CTNNA2: variants seen among roughly 807,000 people sequenced by gnomAD.
CTNNA2 encodes the protein catenin alpha 2, also known as catenin alpha-2.
A neutral mutation model predicts 101.0 loss-of-function variants in CTNNA2; 42 were observed. The ratio of observed to expected loss-of-function variants is 0.42; its 90% CI spans 0.32 to 0.54. The LOEUF (loss-of-function observed/expected upper bound fraction) is 0.54, where lower values mean the gene tolerates loss of function less well. CTNNA2 is among the 20% of genes least tolerant of loss of function. The pLI, the probability that CTNNA2 is intolerant of heterozygous loss-of-function variation, is 0.14. For synonymous variants in CTNNA2, 450 were observed against 456.4 expected (o/e 0.99, Z 0.18); for missense variants, 871 against 1,223.1 (o/e 0.71, Z 4.29).
intron 4 of CTNNA2, among the ~76,000 whole-genome samples, chr2:79,388,712 C>T (rs1282370979): frequency 6.6e-6 from 1 of 152,138 alleles, no homozygotes; most frequent in East Asian, 1.9e-4. Flanking sequence ...ACAACTACTT[C>T]ATTCCCTGAT....
chr2:80,468,429 T>C (rs1419872098), intron 9 of CTNNA2, among the ~76,000 whole-genome samples: 1 of 139,280 alleles, frequency 7.2e-6, no homozygotes, highest in Non-Finnish European at 1.5e-5. Context: ...TATTTATTTA[T>C]TTTTTTTGAG....
intron 4 of CTNNA2, among the ~76,000 whole-genome samples, chr2:79,869,580 T>G (rs1682427495): frequency 6.6e-6 from 1 of 152,198 alleles, no homozygotes; most frequent in African/African-American, 2.4e-5. Context: ...ACACAGGATT[T>G]TATATGCACC....
At chr2:79,386,481 C>T (rs1404847096) in intron 4 of CTNNA2, among the ~76,000 whole-genome samples, 3 of 152,228 alleles carry the variant, frequency 2.0e-5, no homozygotes, top group African/African-American at 4.8e-5. Context: ...TTTTTCTTCT[C>T]CACAATATCC....
At chr2:79,444,122 C>G (rs1182170264) in intron 4 of CTNNA2, among the ~76,000 whole-genome samples, 1 of 151,968 alleles carries the variant, frequency 6.6e-6, no homozygotes. Context: ...GACGATAACC[C>G]TAGCCAAAAT....
chr2:79,387,259 C>A (rs953432774), intron 4 of CTNNA2, among the ~76,000 whole-genome samples: 3 of 152,138 alleles, frequency 2.0e-5, no homozygotes, highest in Non-Finnish European at 4.4e-5. Flanking sequence ...GGCCAGTCTG[C>A]CTGTTGATTC....
intron 2 of CTNNA2, among the ~76,000 whole-genome samples, chr2:79,740,793 G>A (rs547549685): frequency 1.3e-4 from 20 of 152,042 alleles, no homozygotes; most frequent in African/African-American, 4.8e-4. Flanking sequence ...CAACAATTCA[G>A]CCTTTTGTCT....
At chr2:79,191,262 C>A (rs537499909) in intron 1 of CTNNA2, among the ~76,000 whole-genome samples, 17 of 152,314 alleles carry the variant, frequency 1.1e-4, no homozygotes, top group African/African-American at 4.1e-4. Context: ...GGGAAGCATT[C>A]CAATGATGTC....
chr2:79,962,724 G>C (rs544181025), intron 7 of CTNNA2, among the ~76,000 whole-genome samples: 3 of 152,096 alleles, frequency 2.0e-5, no homozygotes, highest in African/African-American at 4.8e-5. Flanking sequence ...AGCACATGTT[G>C]GTGCACATTG....
Position 79,744,471 on chromosome 2 carries a change from T to A in CTNNA2, c.187T>A (p.Ser63Thr). 1 of 1,614,128 alleles carries A rather than the reference T, an allele frequency of 6.2e-7. No individual in the cohort carries two copies. The highest frequency in any genetic ancestry group is 1.1e-5 in the South Asian group (1 of 91,084). The change falls in exon 3 of 19, where the codon TCT becomes ACT. Residue 63 changes from serine (S) to threonine (T), a missense_variant. Around this residue, in one of 5 missense-constraint regions of CTNNA2, gnomAD observed 647 missense variants for 831.5 expected, o/e 0.78. Coordinates refer to ENST00000402739, the MANE Select transcript of CTNNA2 (RefSeq NM_001282597.3). ...RSKKAHVLAA[S>T]VEQATQNFLE... ...AAAGAAAGCCCATGTACTAGCTGCC[T>A]CTGTAGAGCAAGCCACTCAGAATTT...
At chr2:79,568,476 G>A (rs1318113426) in intron 1 of CTNNA2, among the ~76,000 whole-genome samples, 1 of 151,794 alleles carries the variant, frequency 6.6e-6, no homozygotes, top group Non-Finnish European at 1.5e-5. Context: ...GGTGGCACGT[G>A]CCTGTAGTCC....
rs546759255 is a variant in CTNNA2 at position 79,524,328 on chromosome 2, G to A, written c.-6+11121G>A. Among the ~76,000 whole-genome samples the A allele has an allele frequency of 4.1e-4, 62 of 151,790 alleles. 1 individual carries two copies. Among genetic ancestry groups the A allele is most frequent in the African/African-American group, 1.4e-3 (56 of 41,442 alleles). The stretch of plus-strand genomic sequence containing the variant: ...CTATCTTGTATGAGTTTTTATTACC[G>A]TTGGGAAAGGGATTTTATTCTTTAA... On this transcript the variant is annotated intron_variant, in intron 1 of 18. Transcript: ENST00000402739.
intron 9 of CTNNA2, among the ~76,000 whole-genome samples, chr2:80,527,268 T>C (rs1176386660): frequency 6.6e-6 from 1 of 152,220 alleles, no homozygotes; most frequent in African/African-American, 2.4e-5. Context: ...GGGGAATTCC[T>C]GTTGGCTGGA....
intron 9 of CTNNA2, among the ~76,000 whole-genome samples, chr2:80,535,440 A>G (rs1690925258): frequency 6.6e-6 from 1 of 152,138 alleles, no homozygotes; most frequent in Admixed American, 6.6e-5. Flanking sequence ...GGGTTAACTA[A>G]TCTCTTATTG....
chr2:79,582,789 C>T (rs1198463502), intron 1 of CTNNA2, among the ~76,000 whole-genome samples: 2 of 152,076 alleles, frequency 1.3e-5, no homozygotes, highest in Non-Finnish European at 2.9e-5. Flanking sequence ...TGTATTTCTT[C>T]TAGGTGCACA....
rs184202094 is a variant in CTNNA2, at chr2:80,248,393, A to G, written c.1057-144818A>G. Among the ~76,000 whole-genome samples, 457 of 152,316 alleles carry G rather than the reference A, an allele frequency of 3.0e-3. 2 individuals are homozygous for G. Among genetic ancestry groups the G allele is most frequent in the African/African-American group, 0.01 (433 of 41,572 alleles). On this transcript the variant is annotated intron_variant, in intron 7 of 18. Coordinates refer to ENST00000402739, the MANE Select transcript of CTNNA2 (RefSeq NM_001282597.3). Reference sequence around the variant, plus strand: ...AAGAACTGTTATTTGTCTGTTGGGCAGGAGAGATTCCAGAGTTTTGACCCC... The same window carrying G: ...AAGAACTGTTATTTGTCTGTTGGGCGGGAGAGATTCCAGAGTTTTGACCCC...
Position 80,090,178 on chromosome 2 carries a change from GT to G in CTNNA2, c.1056+180382del, listed in dbSNP as rs1330204979. 3.4e-5 allele frequency among the ~76,000 whole-genome samples: 5 copies of G among 146,052 alleles called. No homozygotes were observed. In the South Asian group the frequency reaches 6.4e-4, roughly 19 times the overall value. On this transcript the variant is annotated intron_variant, in intron 7 of 18. Coordinates refer to ENST00000402739, the MANE Select transcript of CTNNA2 (RefSeq NM_001282597.3). ...TGTGTGTGTGTGTGTGTGTGTGTGT[GT>G]GTGTGTGTGTTTGTGTGTATGCATG...
chr2:79,662,159 G>T (rs1682081607), intron 2 of CTNNA2, among the ~76,000 whole-genome samples: 1 of 151,966 alleles, frequency 6.6e-6, no homozygotes, highest in Non-Finnish European at 1.5e-5. Context: ...TCTGCTGTTT[G>T]CTGACATGCA....
At chr2:79,669,062 G>A (rs1682644144) in intron 2 of CTNNA2, among the ~76,000 whole-genome samples, 1 of 152,018 alleles carries the variant, frequency 6.6e-6, no homozygotes, top group Non-Finnish European at 1.5e-5. Flanking sequence ...TAAACCTTAA[G>A]ATCTACTGAC....
chr2:80,107,900 T>C (rs1700989056), intron 7 of CTNNA2, among the ~76,000 whole-genome samples: 1 of 152,090 alleles, frequency 6.6e-6, no homozygotes, highest in South Asian at 2.1e-4. Flanking sequence ...GCTCATGTGA[T>C]CCCTCCCACA....
Sources: allele counts gnomAD v4.1 joint callset (sites outside exome capture counted in the v4.1 genomes callset), GRCh38; gene constraint gnomAD v4.1.1; regional missense constraint gnomAD v4.1.1; transcripts MANE v1.5; gene names NCBI Gene and HGNC (gene_info 2026-07-23, HGNC 2026-07-21).